ABCA13: variants seen among roughly 807,000 people sequenced by gnomAD.
The protein encoded by ABCA13 is ATP binding cassette subfamily A member 13, also known as ATP-binding cassette sub-family A member 13.
Under a neutral mutation model 478.7 loss-of-function variants are expected in ABCA13, and 476 were observed. The ratio of observed to expected loss-of-function variants is 0.99; its 90% CI spans 0.92 to 1.07. ABCA13 has a LOEUF of 1.07. Ranked by LOEUF, ABCA13 falls within the 50% of genes least tolerant of loss-of-function variation. The pLI is 0.00. For missense variants in ABCA13, 6,060 were observed against 5,910.6 expected, an observed-to-expected ratio of 1.03 and a Z score of -0.83; for synonymous variants, 2,252 against 2,158.9, an observed-to-expected ratio of 1.04 and a Z score of -1.20.
intron 6 of ABCA13, among the ~76,000 whole-genome samples, chr7:48,228,032 A>C (rs981841781): frequency 4.6e-5 from 7 of 152,242 alleles, no homozygotes; most frequent in African/African-American, 1.7e-4. Flanking sequence ...CTTAATCAGC[A>C]TGGCCCTCTT....
rs757435582 is a variant in ABCA13 at position 48,350,935 on chromosome 7, C to A, written c.10381+116C>A. 1.1e-3 allele frequency: 1,189 copies of A among 1,052,988 alleles called. 16 individuals carry two copies. Among genetic ancestry groups the A allele is most frequent in the Non-Finnish European group, 2.2e-4 (165 of 745,766 alleles). The allele number at this position is 1,052,988 out of a possible 1,614,324, so 65.2% of individuals were successfully genotyped here. On this transcript the variant is annotated intron_variant, in intron 30 of 61. Coordinates refer to ENST00000435803, the MANE Select transcript of ABCA13 (RefSeq NM_152701.5). ...AGCTCAGAAAGAAAAGAAGTCCTTT[C>A]CAGATAAAACATAAAATAAAGCAGA...
rs769827562 is a variant in ABCA13 at position 48,273,185 on chromosome 7, A to G, written c.3519A>G (p.Thr1173=). ...TTAAGTTTGACATGAATGTTTTCAC[A>G]TCTCTTCATCATGGTTTCACTCAGC... ...QLFKFDMNVF[T]SLHHGFTQLL... The change falls in exon 17 of 62, where the codon ACA becomes ACG. Residue 1173 remains threonine (T), a synonymous_variant. Coordinates refer to ENST00000435803, the MANE Select transcript of ABCA13 (RefSeq NM_152701.5). 1.9e-6 allele frequency: 3 copies of G among 1,613,718 alleles called. No individual in the cohort carries two copies. The South Asian group carries it at 3.3e-5, about 18-fold the overall frequency.
In ABCA13 at chr7:48,391,996, G is replaced by C. The variant is rs750746484; in HGVS notation, c.11730G>C (p.Leu3910=). ...IINGKNLQTD[L]SRVRMELGVC... ...ATGGCAAGAACCTACAGACAGACCTGTCGAGGGTCAGAATGGAGCTTGGTG... is the reference window on the plus strand; with the variant it reads ...ATGGCAAGAACCTACAGACAGACCTCTCGAGGGTCAGAATGGAGCTTGGTG... The change falls in exon 38 of 62, where the codon CTG becomes CTC. Residue 3910 remains leucine, a synonymous_variant. Coordinates refer to ENST00000435803, the MANE Select transcript of ABCA13 (RefSeq NM_152701.5). The C allele has an allele frequency of 6.2e-7, 1 of 1,613,890 alleles. No individual in the cohort carries two copies. The highest frequency in any genetic ancestry group is 2.2e-5 in the East Asian group (1 of 44,884).
At chr7:48,239,477 T>C (rs1790486364) in intron 9 of ABCA13, 72 bp downstream of exon 9, 4 of 1,470,236 alleles carry the variant, frequency 2.7e-6, no homozygotes, top group Non-Finnish European at 3.6e-6. Context: ...TCTCCTCCCC[T>C]GCCCTGCCAT....
rs116305874 is a variant in ABCA13 at position 48,348,757 on chromosome 7, G to A, written c.10205-1886G>A. On this transcript the variant is annotated intron_variant, in intron 29 of 61. Transcript: ENST00000435803. ...TCTGAAATATAGATGATAAATCTCA[G>A]GCTTAGAGACTGGCTCTTTCAGAGC... Among the ~76,000 whole-genome samples, 595 of 152,216 alleles carry A rather than the reference G, an allele frequency of 3.9e-3. 5 individuals are homozygous for A. The highest frequency in any genetic ancestry group is 0.013 in the African/African-American group (549 of 41,542).
At chr7:48,613,136 G>A (rs1225015306) in intron 58 of ABCA13, among the ~76,000 whole-genome samples, 1 of 150,928 alleles carries the variant, frequency 6.6e-6, no homozygotes, top group Non-Finnish European at 1.5e-5. Context: ...ACATATATTA[G>A]TTCTTTATAG....
At chr7:48,634,864 A>C (rs775421450) in intron 59 of ABCA13, among the ~76,000 whole-genome samples, 69 of 152,180 alleles carry the variant, frequency 4.5e-4, no homozygotes, top group Non-Finnish European at 8.4e-4. Context: ...TTTATAAAGT[A>C]ACTTGGGATT....
intron 31 of ABCA13, among the ~76,000 whole-genome samples, chr7:48,360,880 C>T (rs567306835): frequency 7.9e-5 from 12 of 151,578 alleles, no homozygotes; most frequent in Non-Finnish European, 1.6e-4. Context: ...TTGTTATGAC[C>T]GTATTAAGAT....
chr7:48,563,756 C>T (rs566469846), intron 55 of ABCA13, among the ~76,000 whole-genome samples: 2 of 151,134 alleles, frequency 1.3e-5, no homozygotes, highest in African/African-American at 4.9e-5. Flanking sequence ...TTAATTATAT[C>T]CGTGTATGGT....
chr7:48,552,920 A>G (rs1214494968), intron 55 of ABCA13, among the ~76,000 whole-genome samples: 4 of 151,426 alleles, frequency 2.6e-5, no homozygotes, highest in Non-Finnish European at 5.9e-5. Context: ...CATTCTTTAC[A>G]ACTACTTCTT....
chr7:48,466,034 A>T (rs1254306718), intron 43 of ABCA13, among the ~76,000 whole-genome samples: 4 of 152,160 alleles, frequency 2.6e-5, no homozygotes, highest in Non-Finnish European at 5.9e-5. Context: ...AAGTGTTTGC[A>T]AAGATTCTTA....
intron 55 of ABCA13, among the ~76,000 whole-genome samples, chr7:48,530,355 C>T (rs1209312667): frequency 2.6e-5 from 4 of 151,534 alleles, no homozygotes; most frequent in Admixed American, 6.6e-5. Flanking sequence ...TGTATATATA[C>T]ACATATATAC....
intron 59 of ABCA13, among the ~76,000 whole-genome samples, chr7:48,634,507 A>G (rs1354948535): frequency 6.6e-6 from 1 of 152,074 alleles, no homozygotes; most frequent in Non-Finnish European, 1.5e-5. Context: ...TTTCTTGGTC[A>G]ATTATGCTAA....
intron 20 of ABCA13, among the ~76,000 whole-genome samples, chr7:48,293,536 C>A (rs1324645257): frequency 6.6e-6 from 1 of 152,026 alleles, no homozygotes. Context: ...TGTGATGAAG[C>A]AAATAAATTC....
intron 42 of ABCA13, among the ~76,000 whole-genome samples, chr7:48,450,972 C>CTTTTTTT (rs11423408): frequency 2.1e-5 from 3 of 139,680 alleles, no homozygotes; most frequent in Admixed American, 7.2e-5. Context: ...TTATTATATT[C>CTTTTTTT]TTTTTTTTTT....
chr7:48,298,556 G>C, intron 23 of ABCA13, 69 bp downstream of exon 23: 1 of 1,525,698 alleles, frequency 6.6e-7, no homozygotes. Context: ...CACTGGCACT[G>C]TGTTGTCCTT....
Position 48,271,921 on chromosome 7 carries a change from C to T in ABCA13, c.2255C>T (p.Ser752Phe), listed in dbSNP as rs1265249790. The T allele has an allele frequency of 6.8e-6, 11 of 1,613,430 alleles. No homozygotes were observed. The highest frequency in any genetic ancestry group is 8.5e-6 in the Non-Finnish European group (10 of 1,179,698). The change falls in exon 17 of 62, where the codon TCC becomes TTC. Residue 752 changes from serine to phenylalanine, a missense_variant. Physicochemically the swap from Ser to Phe is radical, Grantham distance 155. Transcript: ENST00000435803. ...KLLLPNLFDSSIVPSFHSLPS... is the reference protein window; with the variant it reads ...KLLLPNLFDSFIVPSFHSLPS... Reference sequence around the variant, plus strand: ...TTGTTGCCTAATCTTTTTGACTCCTCCATTGTTCCCAGTTTCCACAGCCTC... The same window carrying T: ...TTGTTGCCTAATCTTTTTGACTCCTTCATTGTTCCCAGTTTCCACAGCCTC...
intron 19 of ABCA13, among the ~76,000 whole-genome samples, chr7:48,287,392 C>T (rs1024899292): frequency 1.9e-4 from 29 of 151,976 alleles, no homozygotes; most frequent in African/African-American, 6.3e-4. Flanking sequence ...GTTTCCTGGG[C>T]GTGATCTATG....
At chr7:48,434,939 G>C (rs1822632347) in intron 42 of ABCA13, among the ~76,000 whole-genome samples, 1 of 151,830 alleles carries the variant, frequency 6.6e-6, no homozygotes, top group South Asian at 2.1e-4. Context: ...CAGAAAGTGG[G>C]AATTCTCCAA....
Sources: gnomAD v4.1 joint callset for allele counts (sites outside exome capture counted in the v4.1 genomes callset) on GRCh38, gnomAD v4.1.1 for gene constraint, MANE v1.5 for transcripts, NCBI Gene and HGNC (gene_info 2026-07-23, HGNC 2026-07-21) for gene names.